The following ZNF106 variants were observed in gnomAD, a reference collection of about 807,000 sequenced individuals.
The protein encoded by ZNF106 is zinc finger protein 106.
Under a neutral mutation model 195.1 loss-of-function variants are expected in ZNF106, and 67 were observed. The observed-to-expected ratio is 0.34, with a 90% confidence interval of 0.28 to 0.42. ZNF106 has a LOEUF of 0.42. ZNF106 is among the 10% of genes least tolerant of loss of function. ZNF106 has a pLI of 1.00. For missense variants in ZNF106, 2,118 were observed against 2,304.5 expected (o/e 0.92, Z 1.66); for synonymous variants, 784 against 818.6 (o/e 0.96, Z 0.72).
chr15:42,426,523 C>T (rs1282132950), intron 15 of ZNF106, among the ~76,000 whole-genome samples: 1 of 150,666 alleles, frequency 6.6e-6, no homozygotes, highest in Non-Finnish European at 1.5e-5. Context: ...CCTCAGCTTC[C>T]TGAGTAGCTG....
At chr15:42,423,754 T>C (rs1403331623) in intron 17 of ZNF106, among the ~76,000 whole-genome samples, 6 of 152,182 alleles carry the variant, frequency 3.9e-5, no homozygotes. Flanking sequence ...TCAGTTTATT[T>C]CAAGTTTAAA....
At chr15:42,466,697 T>C (rs2056524684) in intron 2 of ZNF106, among the ~76,000 whole-genome samples, 1 of 152,234 alleles carries the variant, frequency 6.6e-6, no homozygotes, top group Non-Finnish European at 1.5e-5. Context: ...CATAGCAGCT[T>C]AATCAATCCT....
chr15:42,467,476 G>A (rs2056547200), intron 2 of ZNF106, among the ~76,000 whole-genome samples: 1 of 152,056 alleles, frequency 6.6e-6, no homozygotes, highest in African/African-American at 2.4e-5. Context: ...ATAGAGCTAG[G>A]CATTGAAGGT....
chr15:42,477,571 C>A (rs1014547546), intron 1 of ZNF106, among the ~76,000 whole-genome samples: 1 of 152,080 alleles, frequency 6.6e-6, no homozygotes, highest in Non-Finnish European at 1.5e-5. Context: ...CAGCAAAATT[C>A]GTGTATCCAC....
At chr15:42,458,603 G>C (rs1350939631) in intron 3 of ZNF106, among the ~76,000 whole-genome samples, 1 of 151,814 alleles carries the variant, frequency 6.6e-6, no homozygotes, top group Non-Finnish European at 1.5e-5. Flanking sequence ...AGCTATTCGG[G>C]AGGCTGAGGC....
At chr15:42,447,867 G>C (rs2055829489) in intron 6 of ZNF106, among the ~76,000 whole-genome samples, 1 of 152,132 alleles carries the variant, frequency 6.6e-6, no homozygotes, top group Non-Finnish European at 1.5e-5. Context: ...TCCTGGTACT[G>C]TACATTCATA....
intron 3 of ZNF106, chr15:42,457,688 G>A (rs906711805): frequency 2.8e-5 from 9 of 320,852 alleles, no homozygotes; most frequent in African/African-American, 1.1e-4. Context: ...TGAGGATTCC[G>A]GACCCCAGGA....
chr15:42,426,039 G>A (rs1406964422), intron 15 of ZNF106, among the ~76,000 whole-genome samples: 1 of 152,144 alleles, frequency 6.6e-6, no homozygotes, highest in African/African-American at 2.4e-5. Context: ...CTAAAACTAA[G>A]CAGAAAGCGA....
rs1280341026 is a variant in ZNF106 at position 42,415,117 on chromosome 15, T to A, written c.*2187A>T. The stretch of plus-strand genomic sequence containing the variant: ...CTAGGCCATTCATTATCTCCTAGAT[T>A]AACTCTTTTTTTTTTTTTTTTGAGG... On this transcript the variant is annotated 3_prime_UTR_variant, in exon 22 of 22. Coordinates refer to ENST00000564754, the MANE Select transcript of ZNF106 (RefSeq NM_001366845.3). 4.8e-6 allele frequency: 1 copy of A among 210,350 alleles called. No homozygotes were observed. Among genetic ancestry groups the A allele is most frequent in the Non-Finnish European group, 9.6e-6 (1 of 104,410 alleles). 13.0% of individuals were successfully genotyped at this position (210,350 alleles called of 1,614,324 possible). A position where few individuals can be genotyped will look rare whatever the true frequency, so the allele number is the denominator to read the frequency against.
At chr15:42,467,099 C>T (rs1236107187) in intron 2 of ZNF106, among the ~76,000 whole-genome samples, 1 of 152,072 alleles carries the variant, frequency 6.6e-6, no homozygotes, top group African/African-American at 2.4e-5. Flanking sequence ...TGCGACTGTA[C>T]TCCAGCCTGG....
chr15:42,429,074 T>C (rs1330107920), intron 14 of ZNF106, among the ~76,000 whole-genome samples: 1 of 151,486 alleles, frequency 6.6e-6, no homozygotes, highest in African/African-American at 2.4e-5. Context: ...TCTACCAATT[T>C]CCTCCAACTA....
At chr15:42,453,723 G>A (rs909034550) in intron 4 of ZNF106, among the ~76,000 whole-genome samples, 3 of 151,902 alleles carry the variant, frequency 2.0e-5, no homozygotes, top group Non-Finnish European at 4.4e-5. Context: ...AGCCTCCTGA[G>A]TAGCTGGGAT....
intron 20 of ZNF106, among the ~76,000 whole-genome samples, chr15:42,419,556 A>G (rs2054581674): frequency 2.0e-5 from 3 of 151,808 alleles, no homozygotes; most frequent in Admixed American, 2.0e-4. Flanking sequence ...AAAAAAAAAG[A>G]AAAGAAAAAC....
intron 12 of ZNF106, 138 bp from the exon 13 acceptor site, chr15:42,437,515 A>G (rs1170844844): frequency 1.0e-6 from 1 of 992,912 alleles, no homozygotes; most frequent in Non-Finnish European, 1.4e-6. Context: ...CCCCTATCAG[A>G]CTACTACAAT....
chr15:42,461,850 A>C (rs951079867), intron 3 of ZNF106, among the ~76,000 whole-genome samples: 2 of 152,224 alleles, frequency 1.3e-5, no homozygotes, highest in African/African-American at 4.8e-5. Flanking sequence ...ATAATGACTG[A>C]TAATTATTTG....
chr15:42,412,890 GT>G lies in ZNF106; in HGVS notation c.*4413del, dbSNP rs1477470854. ...ATATCTTGCTTTACAAAGTTACGAA[GT>G]TCACAGCTTTATACCAAAATGTAAG... On this transcript the variant is annotated 3_prime_UTR_variant, in exon 22 of 22. Transcript: ENST00000564754. The G allele has an allele frequency of 1.3e-5, 2 of 152,140 alleles. No individual in the cohort carries two copies. Among genetic ancestry groups the G allele is most frequent in the Non-Finnish European group, 2.9e-5 (2 of 68,026 alleles). The allele number at this position is 152,140 out of a possible 1,614,324, so 9.4% of individuals were successfully genotyped here. A position where few individuals can be genotyped will look rare whatever the true frequency, so the allele number is the denominator to read the frequency against.
intron 1 of ZNF106, among the ~76,000 whole-genome samples, chr15:42,485,797 C>T (rs1351736309): frequency 6.6e-6 from 1 of 152,080 alleles, no homozygotes; most frequent in Admixed American, 6.6e-5. Flanking sequence ...AAAGCACCCA[C>T]CTGTCATATT....
chr15:42,476,161 A>G (rs905158323), intron 1 of ZNF106, among the ~76,000 whole-genome samples: 1 of 152,216 alleles, frequency 6.6e-6, no homozygotes, highest in Admixed American at 6.5e-5. Context: ...AAAAATCAAA[A>G]TATAACTGCC....
At chr15:42,456,755 C>A (rs563486874) in intron 4 of ZNF106, among the ~76,000 whole-genome samples, 1 of 151,742 alleles carries the variant, frequency 6.6e-6, no homozygotes, top group Admixed American at 6.6e-5. Flanking sequence ...TATGTAGGAA[C>A]AATACTAAGT....
Sources: allele counts gnomAD v4.1 joint callset (sites outside exome capture counted in the v4.1 genomes callset), GRCh38; gene constraint gnomAD v4.1.1; transcripts MANE v1.5; gene names NCBI Gene and HGNC (gene_info 2026-07-23, HGNC 2026-07-21).